The following CBL variants were observed in gnomAD, a reference collection of about 807,000 sequenced individuals.
CBL encodes the protein Cbl proto-oncogene, also known as E3 ubiquitin-protein ligase CBL.
Under a neutral mutation model 96.9 loss-of-function variants are expected in CBL, and 45 were observed. That is an observed-to-expected ratio of 0.46 (90% CI 0.37 to 0.60). CBL has a LOEUF of 0.60. Among genes scored for constraint, CBL ranks in the 20% least tolerant of loss-of-function variants. CBL has a pLI of 0.00. For missense variants in CBL, 1,024 were observed against 1,143.5 expected (o/e 0.90, Z 1.51); for synonymous variants, 420 against 426.8 (o/e 0.98, Z 0.20).
rs886047790 is a variant in CBL at position 119,303,495 on chromosome 11, C to T, written c.*3714C>T. 8 of 233,462 alleles carry T rather than the reference C, an allele frequency of 3.4e-5. No homozygotes were observed. Among genetic ancestry groups the T allele is most frequent in the Non-Finnish European group, 6.8e-5 (8 of 118,014 alleles). 14.5% of individuals were successfully genotyped at this position (233,462 alleles called of 1,614,324 possible). A position where few individuals can be genotyped will look rare whatever the true frequency, so the allele number is the denominator to read the frequency against. On this transcript the variant is annotated 3_prime_UTR_variant, in exon 16 of 16. Coordinates refer to ENST00000264033, the MANE Select transcript of CBL (RefSeq NM_005188.4). ...TGTACTTGGACTGTCATAGCCTCTG[C>T]GTTTGACCTTAAAATAGCTCTTCCC...
At chr11:119,297,796 A>G (rs1464253694) in intron 14 of CBL, among the ~76,000 whole-genome samples, 1 of 152,232 alleles carries the variant, frequency 6.6e-6, no homozygotes, top group East Asian at 1.9e-4. Context: ...TATCTTTGAC[A>G]TGGGCAGTAA....
chr11:119,241,822 G>A lies in CBL; in HGVS notation c.443+9127G>A, dbSNP rs192234068. ...TTCAGTCCATGAGAGAGACAATGAT[G>A]GCTTGGACCAAAGTGATGGGTGTAG... On this transcript the variant is annotated intron_variant, in intron 2 of 15. Coordinates refer to ENST00000264033, the MANE Select transcript of CBL (RefSeq NM_005188.4). Among the ~76,000 whole-genome samples, 348 of 152,288 alleles carry A rather than the reference G, an allele frequency of 2.3e-3. 1 individual carries two copies. The highest frequency in any genetic ancestry group is 7.9e-3 in the African/African-American group (329 of 41,566).
At chr11:119,252,378 C>G (rs1371046964) in intron 2 of CBL, among the ~76,000 whole-genome samples, 2 of 151,886 alleles carry the variant, frequency 1.3e-5, no homozygotes, top group Non-Finnish European at 2.9e-5. Context: ...TAAAGTTGAA[C>G]CAGATAATAG....
intron 2 of CBL, among the ~76,000 whole-genome samples, chr11:119,252,013 G>A (rs1029882068): frequency 3.9e-5 from 6 of 152,082 alleles, no homozygotes; most frequent in Non-Finnish European, 8.8e-5. Context: ...GAAAATGTTA[G>A]CAGCATTGTA....
intron 12 of CBL, among the ~76,000 whole-genome samples, chr11:119,290,954 T>C (rs1950022719): frequency 6.6e-6 from 1 of 152,106 alleles, no homozygotes. Flanking sequence ...CTGGGATTTA[T>C]AGGTGTGAGC....
chr11:119,269,524 A>G (rs965422894), intron 2 of CBL, among the ~76,000 whole-genome samples: 1 of 152,054 alleles, frequency 6.6e-6, no homozygotes, highest in African/African-American at 2.4e-5. Context: ...TTTCAATAGC[A>G]TTTTTCGAAC....
chr11:119,285,114 C>A lies in CBL; in HGVS notation c.1563+14C>A, dbSNP rs1295663878. ...ACTGCTTCTAAGGTAAAGCATTTTC[C>A]ATTACTGCAGTTTTTGGATTCTTTG... On this transcript the variant is annotated intron_variant, in intron 10 of 15. Coordinates refer to ENST00000264033, the MANE Select transcript of CBL (RefSeq NM_005188.4). 6.2e-7 allele frequency: 1 copy of A among 1,614,120 alleles called. No individual in the cohort carries two copies. Among genetic ancestry groups the A allele is most frequent in the South Asian group, 1.1e-5 (1 of 91,078 alleles).
At chr11:119,222,396 C>G (rs1450564783) in intron 1 of CBL, among the ~76,000 whole-genome samples, 1 of 152,108 alleles carries the variant, frequency 6.6e-6, no homozygotes, top group Non-Finnish European at 1.5e-5. Flanking sequence ...ACCATTGAGT[C>G]TTGGCAGAAG....
intron 2 of CBL, among the ~76,000 whole-genome samples, chr11:119,242,999 CA>C (rs571838416): frequency 3.0e-4 from 45 of 151,942 alleles, no homozygotes; most frequent in South Asian, 2.7e-3. Context: ...AATTTTCAGC[CA>C]GGGGTGGTGG....
At chr11:119,285,139 G>A in intron 10 of CBL, 39 bp downstream of exon 10, 1 of 1,614,016 alleles carries the variant, frequency 6.2e-7, no homozygotes, top group Non-Finnish European at 8.5e-7. Context: ...TGGATTCTTT[G>A]CTGTGTACTA....
At chr11:119,256,225 T>C (rs1949709818) in intron 2 of CBL, among the ~76,000 whole-genome samples, 1 of 151,468 alleles carries the variant, frequency 6.6e-6, no homozygotes, top group Admixed American at 6.6e-5. Context: ...GGAGTCTCGC[T>C]CTGTCGCCCA....
intron 2 of CBL, among the ~76,000 whole-genome samples, chr11:119,252,819 T>G (rs534898355): frequency 2.0e-4 from 30 of 150,172 alleles, no homozygotes; most frequent in African/African-American, 6.4e-4. Context: ...AGGCGGAGGT[T>G]GCAGTCAGCC....
chr11:119,267,043 C>G (rs1471577764), intron 2 of CBL, among the ~76,000 whole-genome samples: 5 of 152,172 alleles, frequency 3.3e-5, no homozygotes, highest in Admixed American at 6.6e-5. Context: ...CATGTTAAGA[C>G]AGATTCTGCT....
chr11:119,259,746 C>T (rs1352558782), intron 2 of CBL, among the ~76,000 whole-genome samples: 1 of 152,152 alleles, frequency 6.6e-6, no homozygotes, highest in Non-Finnish European at 1.5e-5. Flanking sequence ...GCATTAGTTT[C>T]TGCCTTAGGT....
At chr11:119,290,170 C>A (rs966317705) in intron 12 of CBL, among the ~76,000 whole-genome samples, 1 of 151,982 alleles carries the variant, frequency 6.6e-6, no homozygotes, top group African/African-American at 2.4e-5. Context: ...CTCAGCCTCC[C>A]GAGTAGCTGG....
rs958544790 is a variant in CBL at position 119,206,410 on chromosome 11, C to T, written c.-8C>T. The stretch of plus-strand genomic sequence containing the variant: ...CGGACCCGCCTGGGCTCCGACCCTG[C>T]CCAGGCCATGGCCGGCAACGTGAAG... On this transcript the variant is annotated 5_prime_UTR_variant, in exon 1 of 16. Transcript: ENST00000264033. 5 of 1,549,522 alleles carry T rather than the reference C, an allele frequency of 3.2e-6. No individual in the cohort carries two copies. Among genetic ancestry groups the T allele is most frequent in the South Asian group, 1.2e-5 (1 of 84,882 alleles).
At chr11:119,209,432 A>G (rs981122162) in intron 1 of CBL, among the ~76,000 whole-genome samples, 1 of 152,180 alleles carries the variant, frequency 6.6e-6, no homozygotes, top group South Asian at 2.1e-4. Flanking sequence ...AGCTCTGCCA[A>G]CATGGTGAAA....
intron 1 of CBL, among the ~76,000 whole-genome samples, chr11:119,228,814 CTT>C (rs945049098): frequency 4.8e-5 from 3 of 63,034 alleles, no homozygotes; most frequent in Admixed American, 1.2e-4. Context: ...CTCTCTCTCT[CTT>C]TTTTTTTTTT....
Position 119,300,724 on chromosome 11 carries a change from T to G in CBL, c.*943T>G, listed in dbSNP as rs1950095979. On this transcript the variant is annotated 3_prime_UTR_variant, in exon 16 of 16. Coordinates refer to ENST00000264033, the MANE Select transcript of CBL (RefSeq NM_005188.4). The stretch of plus-strand genomic sequence containing the variant: ...TCCATGCCCTCCCCAGAAAATAGTC[T>G]GTGGGAGTCAGTTGCCTTGGTGCCA... 3 of 396,734 alleles carry G rather than the reference T, an allele frequency of 7.6e-6. No individual in the cohort carries two copies. In the East Asian group the frequency reaches 1.1e-4, roughly 14 times the overall value. 24.6% of individuals were successfully genotyped at this position (396,734 alleles called of 1,614,324 possible). A position where few individuals can be genotyped will look rare whatever the true frequency, so the allele number is the denominator to read the frequency against.
Sources: gnomAD v4.1 joint callset for allele counts (sites outside exome capture counted in the v4.1 genomes callset) on GRCh38, gnomAD v4.1.1 for gene constraint, MANE v1.5 for transcripts, NCBI Gene and HGNC (gene_info 2026-07-23, HGNC 2026-07-21) for gene names.